ALDH5A1: variants seen among roughly 807,000 people sequenced by gnomAD.
ALDH5A1 encodes aldehyde dehydrogenase 5 family member A1.
ALDH5A1 carries 33 observed loss-of-function variants against 54.7 expected under a neutral mutation model. The ratio of observed to expected loss-of-function variants is 0.60; its 90% CI spans 0.46 to 0.81. ALDH5A1 has a LOEUF of 0.81. Among genes scored for constraint, ALDH5A1 ranks in the 30% least tolerant of loss-of-function variants. ALDH5A1 has a pLI of 0.00. For synonymous variants in ALDH5A1, 294 were observed against 292.7 expected (o/e 1.00, Z -0.05); for missense variants, 657 against 711.0 (o/e 0.92, Z 0.86).
chr6:24,497,469 G>T lies in ALDH5A1; in HGVS notation c.354+2119G>T, dbSNP rs527349863. Among the ~76,000 whole-genome samples, 10 of 152,206 alleles carry T rather than the reference G, an allele frequency of 6.6e-5. No individual in the cohort carries two copies. The East Asian group carries it at 1.9e-3, about 29-fold the overall frequency. On this transcript the variant is annotated intron_variant, in intron 1 of 9. Coordinates refer to ENST00000357578, the MANE Select transcript of ALDH5A1 (RefSeq NM_001080.3). ...ACAATCTCCTTGGTAGCTCCAGATC[G>T]CTGATTGGTGCATTTTACAATCCTC... is the stretch of plus-strand genomic sequence containing the variant.
At position 24,533,559 on chromosome 6, in the gene ALDH5A1, G is replaced by T. The variant is rs1244033359; in HGVS notation, c.1455G>T (p.Leu485=). The change falls in exon 10 of 10, where the codon CTG becomes CTT. Residue 485 remains leucine, a synonymous_variant. Coordinates refer to ENST00000357578, the MANE Select transcript of ALDH5A1 (RefSeq NM_001080.3). Reference sequence around the variant, plus strand: ...AGATCTGGAGAGTGGCAGAGCAGCTGGAAGTGGGCATGGTTGGCGTCAACG... The same window carrying T: ...AGATCTGGAGAGTGGCAGAGCAGCTTGAAGTGGGCATGGTTGGCGTCAACG... ...PAQIWRVAEQ[L]EVGMVGVNEG... 6.2e-7 allele frequency: 1 copy of T among 1,614,186 alleles called. No individual in the cohort carries two copies. The highest frequency in any genetic ancestry group is 1.7e-5 in the Admixed American group (1 of 60,028).
intron 4 of ALDH5A1, among the ~76,000 whole-genome samples, chr6:24,505,481 A>C (rs1759321229): frequency 1.4e-5 from 2 of 145,406 alleles, no homozygotes; most frequent in African/African-American, 2.6e-5. Context: ...GGAACCCCTC[A>C]CTCTTCATTC....
chr6:24,511,921 A>G, intron 4 of ALDH5A1: 1 of 574,200 alleles, frequency 1.7e-6, no homozygotes, highest in Non-Finnish European at 3.2e-6. Context: ...TTTTCATATT[A>G]TCAGAGTTGG....
At chr6:24,511,882 A>G (rs1359901801) in intron 4 of ALDH5A1, 3 of 596,324 alleles carry the variant, frequency 5.0e-6, no homozygotes, top group Admixed American at 4.9e-5. Flanking sequence ...AGCTCATGTG[A>G]TTTTTGGGGG....
At chr6:24,522,205 G>C (rs1393235298) in intron 6 of ALDH5A1, among the ~76,000 whole-genome samples, 1 of 152,088 alleles carries the variant, frequency 6.6e-6, no homozygotes, top group Non-Finnish European at 1.5e-5. Flanking sequence ...ACCTACTTGG[G>C]AGGCTGAGGT....
intron 7 of ALDH5A1, among the ~76,000 whole-genome samples, chr6:24,527,687 T>C (rs1759845035): frequency 6.6e-6 from 1 of 152,126 alleles, no homozygotes; most frequent in East Asian, 1.9e-4. Flanking sequence ...AACCGCAGAA[T>C]GCAATGAAAG....
intron 6 of ALDH5A1, 57 bp downstream of exon 6, chr6:24,520,601 G>A (rs1405700862): frequency 7.5e-6 from 12 of 1,600,688 alleles, no homozygotes; most frequent in East Asian, 2.2e-5. Flanking sequence ...GTGAGTGTGT[G>A]TATGTGTGTG....
intron 5 of ALDH5A1, among the ~76,000 whole-genome samples, chr6:24,517,263 C>T (rs1244582928): frequency 6.6e-6 from 1 of 152,198 alleles, no homozygotes; most frequent in African/African-American, 2.4e-5. Context: ...TCCTTGGCCT[C>T]CCAAAGTGCT....
At position 24,522,904 on chromosome 6, in the gene ALDH5A1, T is replaced by A; in HGVS notation, c.1152T>A (p.Ile384=). 6.2e-7 allele frequency: 1 copy of A among 1,613,560 alleles called. No homozygotes were observed. ...AAGGAACTACTCAGGGCCCATTAAT[T>A]AATGAAAAAGCGGTAGAAAAGGTAA... ...FEEGTTQGPL[I]NEKAVEKVEK... Residue 384 remains isoleucine, a synonymous_variant, in exon 7 of 10, where the codon ATT becomes ATA. Coordinates refer to ENST00000357578, the MANE Select transcript of ALDH5A1 (RefSeq NM_001080.3).
chr6:24,505,071 C>G (rs142122195), intron 4 of ALDH5A1, 86 bp downstream of exon 4: 15 of 1,413,416 alleles, frequency 1.1e-5, no homozygotes, highest in African/African-American at 2.8e-5. Context: ...AATTTTGGAG[C>G]CTACTTCTTT....
At position 24,504,886 on chromosome 6, in the gene ALDH5A1, C is replaced by T; in HGVS notation, c.627C>T (p.Ala209=). The part of the protein sequence containing the change: ...AVITPWNFPS[A]MITRKVGAAL... Reference sequence around the variant, plus strand: ...AACCCCAGTGGAATTTCCCCAGTGCCATGATCACCCGGAAGGTGGGGGCCG... The same window carrying T: ...AACCCCAGTGGAATTTCCCCAGTGCTATGATCACCCGGAAGGTGGGGGCCG... The change falls in exon 4 of 10, where the codon GCC becomes GCT. Residue 209 remains alanine (A), a synonymous_variant. Coordinates refer to ENST00000357578, the MANE Select transcript of ALDH5A1 (RefSeq NM_001080.3). 3 of 1,614,212 alleles carry T rather than the reference C, an allele frequency of 1.9e-6. No homozygotes were observed. The highest frequency in any genetic ancestry group is 2.5e-6 in the Non-Finnish European group (3 of 1,180,030).
intron 7 of ALDH5A1, 64 bp downstream of exon 7, chr6:24,522,989 C>CA: frequency 5.7e-6 from 3 of 524,940 alleles, no homozygotes; most frequent in South Asian, 4.4e-5. Flanking sequence ...GCTTAATCAG[C>CA]AAAAAACACT....
intron 6 of ALDH5A1, 59 bp downstream of exon 6, chr6:24,520,603 A>ATGTGTG: frequency 6.3e-7 from 1 of 1,583,708 alleles, no homozygotes. Flanking sequence ...GAGTGTGTGT[A>ATGTGTG]TGTGTGTGTG....
intron 7 of ALDH5A1, among the ~76,000 whole-genome samples, chr6:24,526,861 ATATATATATATC>A (rs1561878344): frequency 7.9e-6 from 1 of 126,492 alleles, no homozygotes; most frequent in Non-Finnish European, 1.6e-5. Context: ...TATATATTCT[ATATATATATATC>A]TTCTATATAT....
chr6:24,528,087 C>G lies in ALDH5A1; in HGVS notation c.1264C>G (p.Pro422Ala), dbSNP rs752944770. Residue 422 changes from proline to alanine, a missense_variant, in exon 8 of 10, where the codon CCT (proline) becomes GCT (alanine). Physicochemically the swap from Pro to Ala is conservative, Grantham distance 27. Transcript: ENST00000357578. ...RHQLGKNFFE[P>A]TLLCNVTQDM... ...CCAACTTGGAAAAAATTTCTTTGAG[C>G]CTACCCTGCTGTGCAATGTCACCCA... 1 of 1,613,980 alleles carries G rather than the reference C, an allele frequency of 6.2e-7. No homozygotes were observed. The highest frequency in any genetic ancestry group is 1.3e-5 in the African/African-American group (1 of 74,894).
intron 5 of ALDH5A1, 47 bp downstream of exon 5, chr6:24,515,357 T>C (rs1203272089): frequency 1.3e-6 from 2 of 1,592,706 alleles, no homozygotes; most frequent in South Asian, 1.1e-5. Context: ...TCTAATATTT[T>C]ATCTTGATAG....
intron 4 of ALDH5A1, among the ~76,000 whole-genome samples, chr6:24,507,061 T>G (rs952001260): frequency 6.6e-6 from 1 of 152,230 alleles, no homozygotes; most frequent in African/African-American, 2.4e-5. Flanking sequence ...TTATACTGTA[T>G]CTGTGTTGCC....
At chr6:24,508,901 G>A (rs571764216) in intron 4 of ALDH5A1, among the ~76,000 whole-genome samples, 1 of 152,102 alleles carries the variant, frequency 6.6e-6, no homozygotes, top group African/African-American at 2.4e-5. Flanking sequence ...TATGTTTGTG[G>A]GCCATTTGTA....
intron 6 of ALDH5A1, 85 bp from the exon 7 acceptor site, chr6:24,522,682 A>T: frequency 6.6e-7 from 1 of 1,515,418 alleles, no homozygotes; most frequent in Non-Finnish European, 9.1e-7. Flanking sequence ...GTGTTTTCAC[A>T]GAGAGGCGGT....
Sources: gnomAD v4.1 joint callset for allele counts (sites outside exome capture counted in the v4.1 genomes callset) on GRCh38, gnomAD v4.1.1 for gene constraint, MANE v1.5 for transcripts, NCBI Gene and HGNC (gene_info 2026-07-23, HGNC 2026-07-21) for gene names.